SHANK2: variants seen among roughly 807,000 people sequenced by gnomAD.
SHANK2 encodes the protein SH3 and multiple ankyrin repeat domains protein 2.
A neutral mutation model predicts 133.7 loss-of-function variants in SHANK2; 43 were observed. That is an observed-to-expected ratio of 0.32 (90% CI 0.25 to 0.41). The LOEUF is 0.41. Among genes scored for constraint, SHANK2 ranks in the 10% least tolerant of loss-of-function variants. SHANK2 has a pLI of 1.00. For synonymous variants in SHANK2, 1,017 were observed against 952.8 expected (o/e 1.07, Z -1.24); for missense variants, 1,994 against 2,235.8 (o/e 0.89, Z 2.18).
chr11:70,685,382 G>A (rs1343292144), intron 15 of SHANK2, among the ~76,000 whole-genome samples: 1 of 152,080 alleles, frequency 6.6e-6, no homozygotes, highest in Non-Finnish European at 1.5e-5. Flanking sequence ...TGGGACACAT[G>A]GTGCCAGCTG....
chr11:70,803,448 G>A (rs1434417549), intron 13 of SHANK2, among the ~76,000 whole-genome samples: 4 of 18,604 alleles, frequency 2.2e-4, no homozygotes, highest in Non-Finnish European at 1.2e-4. Context: ...ACATGCTTGG[G>A]AAACAAACAA....
intron 11 of SHANK2, among the ~76,000 whole-genome samples, chr11:70,837,985 AAAAAAAAAAAAAAAAAG>A (rs1187971147): frequency 1.0e-4 from 15 of 149,972 alleles, no homozygotes; most frequent in Non-Finnish European, 2.2e-4. Flanking sequence ...CAAAAAAAAA[AAAAAAAAAAAAAAAAAG>A]AAAAAAAAAA....
intron 10 of SHANK2, among the ~76,000 whole-genome samples, chr11:70,926,517 TC>T (rs1950429426): frequency 6.6e-6 from 1 of 152,202 alleles, no homozygotes; most frequent in South Asian, 2.1e-4. Flanking sequence ...AAGTGTGTTT[TC>T]TTCATGAGCA....
chr11:71,217,234 A>T lies in SHANK2; in HGVS notation c.-13+7463T>A, dbSNP rs572121740. On this transcript the variant is annotated intron_variant, in intron 2 of 25. Coordinates refer to ENST00000601538, the MANE Select transcript of SHANK2 (RefSeq NM_012309.5). ...AGAGAGTAAACTAGGGGCCAGGTGC[A>T]GTGGCTCATGCCTGTAATCCCAGCA... is the stretch of plus-strand genomic sequence containing the variant. Among the ~76,000 whole-genome samples, 5 of 152,074 alleles carry T rather than the reference A, an allele frequency of 3.3e-5. No individual in the cohort carries two copies. The East Asian group carries it at 7.7e-4, about 23-fold the overall frequency.
chr11:71,165,390 G>A (rs1385101819), intron 2 of SHANK2, among the ~76,000 whole-genome samples: 4 of 152,028 alleles, frequency 2.6e-5, no homozygotes, highest in African/African-American at 4.8e-5. Flanking sequence ...TTAAACTATT[G>A]CGCTAACCTC....
intron 14 of SHANK2, among the ~76,000 whole-genome samples, chr11:70,753,515 G>A (rs1289012127): frequency 6.6e-6 from 1 of 152,140 alleles, no homozygotes; most frequent in African/African-American, 2.4e-5. Flanking sequence ...TAAGCTAAAA[G>A]CACAGGGAGA....
chr11:70,857,160 T>C (rs1949184386), intron 11 of SHANK2, among the ~76,000 whole-genome samples: 1 of 152,176 alleles, frequency 6.6e-6, no homozygotes, highest in Admixed American at 6.5e-5. Context: ...TAAACTTCAG[T>C]GGACTCCAAG....
Position 70,790,688 on chromosome 11 carries a change from C to T in SHANK2, c.1777+7755G>A, listed in dbSNP as rs1285406525. Among the ~76,000 whole-genome samples, 8 of 152,242 alleles carry T rather than the reference C, an allele frequency of 5.3e-5. 1 individual carries two copies. In the South Asian group the frequency reaches 8.3e-4, roughly 16 times the overall value. On this transcript the variant is annotated intron_variant, in intron 14 of 25. Transcript: ENST00000601538. Reference sequence around the variant, plus strand: ...CTTGAAATGAGTCTCTTAATACATACGCTCTATCTGTATCTACATCTGTGT... The same window carrying T: ...CTTGAAATGAGTCTCTTAATACATATGCTCTATCTGTATCTACATCTGTGT...
chr11:70,707,672 C>CTGCACTGAGGACAAGA (rs1945695583), intron 14 of SHANK2, among the ~76,000 whole-genome samples: 1 of 152,188 alleles, frequency 6.6e-6, no homozygotes, highest in Admixed American at 6.5e-5. Flanking sequence ...GTTTACAGGG[C>CTGCACTGAGGACAAGA]TGCACTGAGG....
At chr11:70,775,474 T>A (rs1555043744) in intron 14 of SHANK2, among the ~76,000 whole-genome samples, 1 of 152,072 alleles carries the variant, frequency 6.6e-6, no homozygotes, top group Non-Finnish European at 1.5e-5. Flanking sequence ...GAGAAAAAAT[T>A]ATTTTGCAGA....
intron 17 of SHANK2, among the ~76,000 whole-genome samples, chr11:70,574,780 G>A (rs570526709): frequency 1.3e-5 from 2 of 152,304 alleles, no homozygotes; most frequent in South Asian, 4.1e-4. Flanking sequence ...TAGGTCACAT[G>A]TTTGCTGTAG....
At chr11:70,900,219 T>C (rs1950003975) in intron 10 of SHANK2, among the ~76,000 whole-genome samples, 1 of 152,034 alleles carries the variant, frequency 6.6e-6, no homozygotes, top group Non-Finnish European at 1.5e-5. Context: ...CTGGGCGTGG[T>C]AGCATGCACC....
chr11:71,165,910 T>C (rs1400708065), intron 2 of SHANK2, among the ~76,000 whole-genome samples: 6 of 152,098 alleles, frequency 3.9e-5, no homozygotes, highest in Non-Finnish European at 7.4e-5. Context: ...GCACCCTCCA[T>C]GAGCACTCTG....
intron 14 of SHANK2, among the ~76,000 whole-genome samples, chr11:70,741,162 C>T (rs1398369467): frequency 7.2e-6 from 1 of 139,814 alleles, no homozygotes; most frequent in African/African-American, 2.5e-5. Flanking sequence ...AGAGGTGTCG[C>T]CTACCCATCC....
chr11:71,209,481 C>T (rs1211714121), intron 2 of SHANK2, among the ~76,000 whole-genome samples: 1 of 152,166 alleles, frequency 6.6e-6, no homozygotes, highest in Admixed American at 6.5e-5. Context: ...CTGGGTGCTC[C>T]CCTTTGCATA....
At chr11:71,219,993 G>A (rs1448108728) in intron 2 of SHANK2, among the ~76,000 whole-genome samples, 3 of 152,114 alleles carry the variant, frequency 2.0e-5, no homozygotes, top group Admixed American at 6.6e-5. Flanking sequence ...GGAAGCTGAG[G>A]TGGGTCAATT....
chr11:70,593,318 G>A (rs185516078), intron 17 of SHANK2, among the ~76,000 whole-genome samples: 109 of 152,346 alleles, frequency 7.2e-4, no homozygotes, highest in African/African-American at 2.5e-3. Context: ...AACAGTGAAT[G>A]AAGGTAGGAT....
At chr11:70,655,374 G>A (rs951618497) in intron 17 of SHANK2, among the ~76,000 whole-genome samples, 2 of 152,336 alleles carry the variant, frequency 1.3e-5, no homozygotes, top group South Asian at 2.1e-4. Context: ...ATGTGGGTTG[G>A]AATTCCACCT....
At chr11:70,771,113 G>C (rs1420763125) in intron 14 of SHANK2, among the ~76,000 whole-genome samples, 1 of 151,972 alleles carries the variant, frequency 6.6e-6, no homozygotes, top group Non-Finnish European at 1.5e-5. Context: ...TTTTGGTAGA[G>C]ATGAGTTTTC....
Sources: allele counts gnomAD v4.1 joint callset (sites outside exome capture counted in the v4.1 genomes callset), GRCh38; gene constraint gnomAD v4.1.1; transcripts MANE v1.5; gene names NCBI Gene and HGNC (gene_info 2026-07-23, HGNC 2026-07-21).